The following CBLB variants were observed in gnomAD, a reference collection of about 807,000 sequenced individuals.
The protein encoded by CBLB is E3 ubiquitin-protein ligase CBL-B.
Under a neutral mutation model 104.9 loss-of-function variants are expected in CBLB, and 31 were observed. That is an observed-to-expected ratio of 0.30 (90% CI 0.22 to 0.40). The LOEUF is 0.40. Among genes scored for constraint, CBLB ranks in the 10% least tolerant of loss-of-function variants. CBLB has a pLI of 1.00. For synonymous variants in CBLB, 440 were observed against 422.6 expected (o/e 1.04, Z -0.51); for missense variants, 1,062 against 1,214.6 (o/e 0.87, Z 1.87).
chr3:105,826,813 T>A (rs1178470737), intron 3 of CBLB, among the ~76,000 whole-genome samples: 1 of 152,158 alleles, frequency 6.6e-6, no homozygotes. Context: ...GGATGTGGTA[T>A]TAGAGGATTT....
At position 105,702,188 on chromosome 3, in the gene CBLB, C is replaced by G. The variant is rs41302192; in HGVS notation, c.1865G>C (p.Ser622Thr). Residue 622 changes from serine (S) to threonine (T), a missense_variant, in exon 12 of 19, where the codon AGT (serine) becomes ACT (threonine). Physicochemically the swap from Ser to Thr is moderately conservative, Grantham distance 58. Coordinates refer to ENST00000394030, the MANE Select transcript of CBLB (RefSeq NM_170662.5). ...EGSPKPGITA[S>T]SNVNGRHSRV... ...ACTGTGCCTTCCATTGACATTTGAACTCGCTGTGATTCCAGGTTTTGGAGA... is the reference window on the plus strand; with the variant it reads ...ACTGTGCCTTCCATTGACATTTGAAGTCGCTGTGATTCCAGGTTTTGGAGA... 6.5e-3 allele frequency: 10,535 copies of G among 1,614,136 alleles called. 68 individuals carry two copies. Among genetic ancestry groups the G allele is most frequent in the Middle Eastern group, 0.01 (61 of 6,062 alleles).
chr3:105,749,111 A>T (rs1255439194), intron 5 of CBLB, among the ~76,000 whole-genome samples: 1 of 152,244 alleles, frequency 6.6e-6, no homozygotes, highest in Non-Finnish European at 1.5e-5. Context: ...AAAATAAAAG[A>T]TCAGCAAAAG....
At chr3:105,865,209 T>C (rs2092355974) in intron 2 of CBLB, among the ~76,000 whole-genome samples, 1 of 152,206 alleles carries the variant, frequency 6.6e-6, no homozygotes, top group Non-Finnish European at 1.5e-5. Flanking sequence ...AAGAGGGGGA[T>C]GTTTCTGTAC....
intron 3 of CBLB, among the ~76,000 whole-genome samples, chr3:105,788,216 T>C (rs1394767598): frequency 1.3e-5 from 2 of 152,138 alleles, no homozygotes; most frequent in Non-Finnish European, 2.9e-5. Context: ...CTTTATAATC[T>C]CACTGACTGC....
chr3:105,861,851 A>G (rs1305962832), intron 2 of CBLB, among the ~76,000 whole-genome samples: 2 of 152,204 alleles, frequency 1.3e-5, no homozygotes, highest in East Asian at 3.9e-4. Context: ...ACCCCATCAC[A>G]TAAGTTAAAC....
At chr3:105,817,542 T>C (rs911923215) in intron 3 of CBLB, among the ~76,000 whole-genome samples, 2 of 152,116 alleles carry the variant, frequency 1.3e-5, no homozygotes, top group African/African-American at 4.8e-5. Context: ...AGACAGACGA[T>C]GTCACTGAAA....
At chr3:105,829,693 A>C (rs2153075253) in intron 3 of CBLB, among the ~76,000 whole-genome samples, 1 of 107,884 alleles carries the variant, frequency 9.3e-6, no homozygotes, top group South Asian at 3.8e-4. Context: ...AAAAAAAAAA[A>C]AAAAAAAACC....
At chr3:105,692,819 T>TA (rs923467435) in intron 13 of CBLB, among the ~76,000 whole-genome samples, 5 of 150,222 alleles carry the variant, frequency 3.3e-5, no homozygotes, top group African/African-American at 1.2e-4. Context: ...GCAGGAAAAT[T>TA]AGAATTGGGA....
At chr3:105,861,471 TC>T (rs1577975234) in intron 2 of CBLB, among the ~76,000 whole-genome samples, 2 of 152,072 alleles carry the variant, frequency 1.3e-5, no homozygotes, top group Non-Finnish European at 2.9e-5. Flanking sequence ...TCCCTTGCTT[TC>T]CTCCTGTGTA....
intron 16 of CBLB, 131 bp downstream of exon 16, chr3:105,681,348 G>C: frequency 1.2e-6 from 1 of 852,286 alleles, no homozygotes; most frequent in South Asian, 1.6e-5. Flanking sequence ...CCGGCACCTG[G>C]AGAACCCATT....
chr3:105,715,912 G>A (rs2083761), intron 10 of CBLB, among the ~76,000 whole-genome samples: 31,771 of 151,944 alleles, frequency 0.21, 3,439 homozygotes, highest in Admixed American at 0.26. Context: ...GGTGGCAGGC[G>A]TCTGCAATCC....
At chr3:105,683,306 C>A (rs2066557039) in intron 14 of CBLB, among the ~76,000 whole-genome samples, 1 of 152,150 alleles carries the variant, frequency 6.6e-6, no homozygotes, top group Admixed American at 6.5e-5. Context: ...TTAAAGAGCT[C>A]TTTGGAGAGC....
chr3:105,665,464 TACAC>T (rs1227277800), intron 18 of CBLB, among the ~76,000 whole-genome samples: 4 of 141,542 alleles, frequency 2.8e-5, no homozygotes, highest in African/African-American at 1.1e-4. Flanking sequence ...CACATATATA[TACAC>T]ACACACACAC....
Position 105,754,523 on chromosome 3 carries a change from CAG to C in CBLB, c.567-2907_567-2906del, listed in dbSNP as rs1207514486. 4.0e-3 allele frequency among the ~76,000 whole-genome samples: 413 copies of C among 102,768 alleles called. 6 individuals carry two copies. Among genetic ancestry groups the C allele is most frequent in the Middle Eastern group, 0.029 (4 of 140 alleles). 67.4% of individuals were successfully genotyped at this position (102,768 alleles called of 152,430 possible). A position where few individuals can be genotyped will look rare whatever the true frequency, so the allele number is the denominator to read the frequency against. On this transcript the variant is annotated intron_variant, in intron 4 of 18. Coordinates refer to ENST00000394030, the MANE Select transcript of CBLB (RefSeq NM_170662.5). ...AGAGAGAGAGAGAGAGAGAGAGAGA[CAG>C]AGAGAGAGAGAGAGAGAGAGAGAGA...
At chr3:105,741,195 T>C (rs1470184369) in intron 6 of CBLB, among the ~76,000 whole-genome samples, 2 of 151,670 alleles carry the variant, frequency 1.3e-5, no homozygotes, top group African/African-American at 4.8e-5. Context: ...AATTAGTTTG[T>C]TTGTTTTTTT....
Position 105,737,270 on chromosome 3 carries a change from C to G in CBLB, c.984-12G>C. 7.3e-7 allele frequency: 1 copy of G among 1,360,666 alleles called. No individual in the cohort carries two copies. Among genetic ancestry groups the G allele is most frequent in the Non-Finnish European group, 1.0e-6 (1 of 959,900 alleles). The allele number at this position is 1,360,666 out of a possible 1,614,324, so 84.3% of individuals were successfully genotyped here. A position where few individuals can be genotyped will look rare whatever the true frequency, so the allele number is the denominator to read the frequency against. On this transcript the variant is annotated splice_polypyrimidine_tract_variant and intron_variant, in intron 7 of 18. Transcript: ENST00000394030. ...CAGGATAAAGATAACTGAATTTAAA[C>G]AGAAACTTTATTACCTTAAATATAC...
intron 3 of CBLB, among the ~76,000 whole-genome samples, chr3:105,847,040 C>T (rs1452153426): frequency 2.0e-5 from 3 of 152,044 alleles, no homozygotes. Context: ...GGTTTGTTTG[C>T]AGCTTTTGTT....
chr3:105,813,656 T>C (rs2084614147), intron 3 of CBLB, among the ~76,000 whole-genome samples: 1 of 152,166 alleles, frequency 6.6e-6, no homozygotes. Flanking sequence ...ACCAATACTG[T>C]ATTTATAATT....
At chr3:105,711,255 TAC>T (rs577689064) in intron 10 of CBLB, among the ~76,000 whole-genome samples, 45 of 151,998 alleles carry the variant, frequency 3.0e-4, no homozygotes, top group Non-Finnish European at 5.9e-4. Flanking sequence ...AAAAGGTATA[TAC>T]AGTTACTATA....
Sources: gnomAD v4.1 joint callset for allele counts (sites outside exome capture counted in the v4.1 genomes callset) on GRCh38, gnomAD v4.1.1 for gene constraint, MANE v1.5 for transcripts, NCBI Gene and HGNC (gene_info 2026-07-23, HGNC 2026-07-21) for gene names.